The following NCOA1 variants were observed in gnomAD, a reference collection of about 807,000 sequenced individuals.
The protein encoded by NCOA1 is nuclear receptor coactivator 1.
A neutral mutation model predicts 150.9 loss-of-function variants in NCOA1; 35 were observed. The ratio of observed to expected loss-of-function variants is 0.23; its 90% CI spans 0.18 to 0.31. The LOEUF (loss-of-function observed/expected upper bound fraction) is 0.31. Among genes scored for constraint, NCOA1 ranks in the 10% least tolerant of loss-of-function variants. The probability of loss-of-function intolerance (pLI) is 1.00; values close to 1 mark genes in which losing one functional copy is unlikely to be tolerated. For synonymous variants in NCOA1, 590 were observed against 630.0 expected, an observed-to-expected ratio of 0.94 and a Z score of 0.95; for missense variants, 1,491 against 1,749.3, an observed-to-expected ratio of 0.85 and a Z score of 2.63.
intron 5 of NCOA1, among the ~76,000 whole-genome samples, chr2:24,660,261 T>C (rs1671120779): frequency 6.6e-6 from 1 of 152,136 alleles, no homozygotes; most frequent in Admixed American, 6.6e-5. Context: ...TAATTTTTTG[T>C]TTGGGGAAAT....
chr2:24,729,444 C>T (rs1662874567), intron 16 of NCOA1, 57 bp from the exon 17 acceptor site: 2 of 1,467,770 alleles, frequency 1.4e-6, no homozygotes, highest in South Asian at 1.2e-5. Flanking sequence ...AATACGGAAG[C>T]ATGTTACTTA....
chr2:24,680,562 G>T (rs145763193), intron 7 of NCOA1, among the ~76,000 whole-genome samples: 1 of 152,132 alleles, frequency 6.6e-6, no homozygotes, highest in Non-Finnish European at 1.5e-5. Flanking sequence ...GTTACCAGGG[G>T]CTGCGTGAAG....
Position 24,741,788 on chromosome 2 carries a change from C to T in NCOA1, c.3308C>T (p.Pro1103Leu). 6.2e-7 allele frequency: 1 copy of T among 1,611,564 alleles called. No individual in the cohort carries two copies. Among genetic ancestry groups the T allele is most frequent in the East Asian group, 2.2e-5 (1 of 44,868 alleles). ...GMQQQITPQP[P>L]LNAQMLAQRQ... ...GAGTTTTTTCCTGCTTTTCAGCCAC[C>T]CCTGAATGCTCAAATGTTGGCACAA... Residue 1103 changes from proline to leucine, a missense_variant, in exon 19 of 23, where the codon CCC becomes CTC. Around this residue, in one of 8 missense-constraint regions of NCOA1, gnomAD observed 485 missense variants for 522.8 expected, o/e 0.93. Coordinates refer to ENST00000348332, the MANE Select transcript of NCOA1 (RefSeq NM_003743.5).
intron 3 of NCOA1, among the ~76,000 whole-genome samples, chr2:24,586,774 G>GT (rs1036582120): frequency 2.0e-5 from 3 of 152,056 alleles, no homozygotes; most frequent in Non-Finnish European, 2.9e-5. Flanking sequence ...ACTTCTTTAT[G>GT]TTTTTTCTAC....
In NCOA1 at chr2:24,728,371, T is replaced by C; in HGVS notation, c.2781T>C (p.Asn927=). Reference sequence around the variant, plus strand: ...CACCCACAACAGTAGAAGGGAGAAATGATGAGAAGGCTCTTCTTGAACAGC... The same window carrying C: ...CACCCACAACAGTAGAAGGGAGAAACGATGAGAAGGCTCTTCTTGAACAGC... The part of the protein sequence containing the change: ...LCPPTTVEGR[N]DEKALLEQLV... The change falls in exon 16 of 23, where the codon AAT becomes AAC. Residue 927 remains asparagine, a synonymous_variant. Transcript: ENST00000348332. The C allele has an allele frequency of 6.2e-7, 1 of 1,613,594 alleles. No individual in the cohort carries two copies. Among genetic ancestry groups the C allele is most frequent in the East Asian group, 2.2e-5 (1 of 44,826 alleles).
intron 4 of NCOA1, among the ~76,000 whole-genome samples, chr2:24,648,161 C>T (rs1189435178): frequency 1.3e-5 from 2 of 151,598 alleles, no homozygotes; most frequent in Admixed American, 1.3e-4. Flanking sequence ...CAGTGGATAT[C>T]AATAAAATAT....
At chr2:24,678,135 G>A (rs1192215920) in intron 7 of NCOA1, among the ~76,000 whole-genome samples, 1 of 152,160 alleles carries the variant, frequency 6.6e-6, no homozygotes. Flanking sequence ...AGAACATGCA[G>A]CATTTGGTTT....
At chr2:24,600,816 C>A (rs867802672) in intron 3 of NCOA1, among the ~76,000 whole-genome samples, 1 of 152,154 alleles carries the variant, frequency 6.6e-6, no homozygotes, top group African/African-American at 2.4e-5. Flanking sequence ...TAGTAAATAT[C>A]TTCTTTGGAT....
At chr2:24,616,099 G>A (rs529187138) in intron 3 of NCOA1, among the ~76,000 whole-genome samples, 15 of 152,208 alleles carry the variant, frequency 9.9e-5, no homozygotes, top group African/African-American at 3.6e-4. Flanking sequence ...GAGTCTACAT[G>A]CTTGTTACTT....
intron 1 of NCOA1, among the ~76,000 whole-genome samples, chr2:24,546,813 C>T (rs756886529): frequency 6.6e-6 from 1 of 152,230 alleles, no homozygotes; most frequent in Non-Finnish European, 1.5e-5. Context: ...GCTTTCTTCA[C>T]ATGTCTGACA....
At chr2:24,623,263 A>G (rs566721575) in intron 3 of NCOA1, among the ~76,000 whole-genome samples, 72 of 152,338 alleles carry the variant, frequency 4.7e-4, no homozygotes, top group African/African-American at 1.7e-3. Context: ...GTGATATAGT[A>G]AGAGTATGAG....
intron 7 of NCOA1, among the ~76,000 whole-genome samples, chr2:24,681,818 C>T (rs901930219): frequency 5.9e-5 from 9 of 151,832 alleles, no homozygotes; most frequent in African/African-American, 2.2e-4. Context: ...GGGTTCACAC[C>T]GTTCTCCTGC....
At chr2:24,652,207 G>A (rs890851850) in intron 4 of NCOA1, among the ~76,000 whole-genome samples, 2 of 152,020 alleles carry the variant, frequency 1.3e-5, no homozygotes, top group African/African-American at 4.8e-5. Flanking sequence ...TATTAAAAAG[G>A]CAGTGAAAAT....
chr2:24,725,059 A>G lies in NCOA1; in HGVS notation c.2600-1530A>G, dbSNP rs538942242. ...TATGTAACTTTTATTTCTCAGTTAT[A>G]CTAAATATTGAATATATTCACTTAG... On this transcript the variant is annotated intron_variant, in intron 14 of 22. Coordinates refer to ENST00000348332, the MANE Select transcript of NCOA1 (RefSeq NM_003743.5). 3.3e-5 allele frequency among the ~76,000 whole-genome samples: 5 copies of G among 152,282 alleles called. No homozygotes were observed. In the East Asian group the frequency reaches 9.6e-4, roughly 29 times the overall value.
intron 13 of NCOA1, among the ~76,000 whole-genome samples, chr2:24,708,205 A>C (rs1189688034): frequency 6.6e-6 from 1 of 152,170 alleles, no homozygotes; most frequent in Non-Finnish European, 1.5e-5. Flanking sequence ...TATTGAATCT[A>C]ACTCTCTAGG....
At chr2:24,740,059 CTACTT>C (rs900411539) in intron 18 of NCOA1, among the ~76,000 whole-genome samples, 7 of 152,036 alleles carry the variant, frequency 4.6e-5, no homozygotes, top group Non-Finnish European at 8.8e-5. Flanking sequence ...TACTCACTCT[CTACTT>C]TACCCCATAC....
In NCOA1 at chr2:24,499,319, T is replaced by A. The variant is rs539561822; in HGVS notation, c.-396+7717T>A. ...CCTGCCATCAACCTTAAAAAAAAAT[T>A]TTAACCTCCCAGTGATTCTTAGATG... is the stretch of plus-strand genomic sequence containing the variant. On this transcript the variant is annotated intron_variant, in intron 1 of 22. Coordinates refer to ENST00000348332, the MANE Select transcript of NCOA1 (RefSeq NM_003743.5). 3.7e-4 allele frequency among the ~76,000 whole-genome samples: 57 copies of A among 152,320 alleles called. No individual in the cohort carries two copies. The Middle Eastern group carries it at 0.017, about 45-fold the overall frequency.
chr2:24,581,041 T>G (rs765712186), intron 2 of NCOA1, among the ~76,000 whole-genome samples: 3 of 152,154 alleles, frequency 2.0e-5, no homozygotes, highest in Non-Finnish European at 4.4e-5. Flanking sequence ...AGGGAGAGAT[T>G]CTTTGTTACT....
chr2:24,589,670 A>G (rs1183556762), intron 3 of NCOA1, among the ~76,000 whole-genome samples: 2 of 123,906 alleles, frequency 1.6e-5, no homozygotes, highest in African/African-American at 3.0e-5. Flanking sequence ...TGTGTATGAA[A>G]GTGTGTGTGT....
Sources: gnomAD v4.1 joint callset for allele counts (sites outside exome capture counted in the v4.1 genomes callset) on GRCh38, gnomAD v4.1.1 for gene constraint, gnomAD v4.1.1 regional missense constraint, MANE v1.5 for transcripts, NCBI Gene and HGNC (gene_info 2026-07-23, HGNC 2026-07-21) for gene names.